Variants in GTF2A2 observed in about 807,000 individuals in gnomAD.
GTF2A2 encodes the protein transcription initiation factor IIA subunit 2.
Under a neutral mutation model 14.3 loss-of-function variants are expected in GTF2A2, and 9 were observed. That is an observed-to-expected ratio of 0.63 (90% CI 0.38 to 1.10). GTF2A2 has a LOEUF of 1.10. Among genes scored for constraint, GTF2A2 ranks in the 50% least tolerant of loss-of-function variants. GTF2A2 has a pLI of 0.01. For missense variants in GTF2A2, 90 were observed against 124.6 expected (o/e 0.72, Z 1.32); for synonymous variants, 56 against 46.0 (o/e 1.22, Z -0.88).
chr15:59,642,422 C>T (rs1350939203), intron 3 of GTF2A2, among the ~76,000 whole-genome samples, 160 bp from the exon 4 acceptor site: 4 of 152,090 alleles, frequency 2.6e-5, no homozygotes, highest in Admixed American at 6.5e-5. Context: ...AAAACAACCA[C>T]CAGACAAATT....
chr15:59,648,463 C>A (rs1891684011), intron 3 of GTF2A2, among the ~76,000 whole-genome samples: 1 of 93,460 alleles, frequency 1.1e-5, no homozygotes, highest in African/African-American at 3.9e-5. Context: ...ACAAATACTA[C>A]TTCAATCTGA....
intron 3 of GTF2A2, among the ~76,000 whole-genome samples, chr15:59,644,084 G>A (rs1396198054): frequency 2.6e-5 from 4 of 151,864 alleles, no homozygotes; most frequent in East Asian, 1.9e-4. Flanking sequence ...TAGTAGAGGC[G>A]GGGTTTTGCC....
Position 59,656,060 on chromosome 15 carries a change from A to C in GTF2A2, c.-50+1346T>G, listed in dbSNP as rs541644781. 2.0e-5 allele frequency among the ~76,000 whole-genome samples: 3 copies of C among 152,288 alleles called. No homozygotes were observed. In the East Asian group the frequency reaches 5.8e-4, roughly 29 times the overall value. On this transcript the variant is annotated intron_variant, in intron 1 of 4. Coordinates refer to ENST00000396060, the MANE Select transcript of GTF2A2 (RefSeq NM_004492.3). ...AGCCAGGGTGATCTTCTAAAACTTC[A>C]GTTACAACATACCTCTCCTCTATTC... is the stretch of plus-strand genomic sequence containing the variant.
At chr15:59,641,649 G>A (rs182843654) in intron 4 of GTF2A2, among the ~76,000 whole-genome samples, 330 of 151,456 alleles carry the variant, frequency 2.2e-3, no homozygotes, top group African/African-American at 7.8e-3. Flanking sequence ...AAGTTCCTAG[G>A]TCTGGTGTGA....
intron 4 of GTF2A2, 50 bp downstream of exon 4, chr15:59,642,086 A>C: frequency 6.5e-7 from 1 of 1,538,026 alleles, no homozygotes; most frequent in Non-Finnish European, 8.8e-7. Flanking sequence ...CTAAAGGCTC[A>C]TAAAAACAAG....
chr15:59,653,220 G>A (rs1033587762), intron 1 of GTF2A2, among the ~76,000 whole-genome samples: 10 of 152,056 alleles, frequency 6.6e-5, no homozygotes, highest in African/African-American at 2.4e-4. Context: ...GATGAGGGAT[G>A]GGGGCTCGAA....
At chr15:59,648,401 CA>C (rs71425875) in intron 3 of GTF2A2, among the ~76,000 whole-genome samples, 5 of 90,570 alleles carry the variant, frequency 5.5e-5, no homozygotes, top group African/African-American at 2.3e-4. Flanking sequence ...GACTTCGTCT[CA>C]AAAAAAAAAA....
rs559129822 is a variant in GTF2A2 at position 59,639,326 on chromosome 15, C to T, written c.305-169G>A. Among the ~76,000 whole-genome samples the T allele has an allele frequency of 1.6e-4, 24 of 152,068 alleles. No individual in the cohort carries two copies. In the South Asian group the frequency reaches 4.6e-3, roughly 29 times the overall value. ...GTGACACTGTAAATATGTTGAACTT[C>T]AGTAAGTTTCCTTTTAAGCAGAGAT... On this transcript the variant is annotated intron_variant, in intron 4 of 4. Coordinates refer to ENST00000396060, the MANE Select transcript of GTF2A2 (RefSeq NM_004492.3).
chr15:59,641,093 C>T (rs1462423711), intron 4 of GTF2A2, among the ~76,000 whole-genome samples: 1 of 151,948 alleles, frequency 6.6e-6, no homozygotes, highest in Non-Finnish European at 1.5e-5. Flanking sequence ...GGGGCTCACG[C>T]CTGTAATCCC....
intron 3 of GTF2A2, among the ~76,000 whole-genome samples, chr15:59,648,865 C>T (rs1380166001): frequency 1.3e-5 from 2 of 151,960 alleles, no homozygotes; most frequent in Admixed American, 6.6e-5. Flanking sequence ...ACCCGGGAGG[C>T]GGAGCTTGCA....
At chr15:59,657,103 T>G (rs1435207108) in intron 1 of GTF2A2, 2 of 152,240 alleles carry the variant, frequency 1.3e-5, no homozygotes, top group Non-Finnish European at 2.9e-5. Flanking sequence ...AGGGCGCTAG[T>G]GGATGCTTTA....
intron 3 of GTF2A2, among the ~76,000 whole-genome samples, chr15:59,647,580 G>A (rs1891647032): frequency 6.6e-6 from 1 of 151,996 alleles, no homozygotes; most frequent in Non-Finnish European, 1.5e-5. Context: ...GGGGCAACAT[G>A]TTTTTGTATT....
intron 4 of GTF2A2, among the ~76,000 whole-genome samples, chr15:59,639,749 T>C (rs902802153): frequency 6.6e-6 from 1 of 150,614 alleles, no homozygotes; most frequent in Non-Finnish European, 1.5e-5. Context: ...TGAGCCACCG[T>C]GCCTGGCAAT....
At chr15:59,643,021 C>T (rs1222154003) in intron 3 of GTF2A2, among the ~76,000 whole-genome samples, 1 of 151,852 alleles carries the variant, frequency 6.6e-6, no homozygotes, top group Non-Finnish European at 1.5e-5. Context: ...CCACCTCAGC[C>T]TCCCAAAGTG....
chr15:59,655,590 AT>A (rs1891919276), intron 1 of GTF2A2, among the ~76,000 whole-genome samples: 1 of 152,194 alleles, frequency 6.6e-6, no homozygotes, highest in Admixed American at 6.5e-5. Context: ...AACTCTTAAT[AT>A]CACAGGACAC....
chr15:59,648,968 T>A (rs7175959), intron 3 of GTF2A2, among the ~76,000 whole-genome samples: 151,625 of 152,324 alleles, frequency 1, 75,467 homozygotes, highest in Middle Eastern at 1. Flanking sequence ...AAAAAAACTA[T>A]AAAACAATTT....
intron 3 of GTF2A2, among the ~76,000 whole-genome samples, chr15:59,649,263 CA>C (rs1231403107): frequency 6.6e-6 from 1 of 152,100 alleles, no homozygotes; most frequent in Non-Finnish European, 1.5e-5. Flanking sequence ...AAATAAAAAG[CA>C]AGAATGGAAA....
At position 59,650,744 on chromosome 15, in the gene GTF2A2, A is replaced by T. The variant is rs932733449; in HGVS notation, c.102T>A (p.Leu34=). Residue 34 remains leucine (L), a synonymous_variant, in exon 3 of 5, where the codon CTT becomes CTA. Transcript: ENST00000396060. ...CCTTATCAAACTGAAGTAGAACTTG[A>T]AGGGCAAGTTGGGGGGTGATCTGTT... The part of the protein sequence containing the change: ...QSQQITPQLA[L]QVLLQFDKAI... 3 of 1,608,226 alleles carry T rather than the reference A, an allele frequency of 1.9e-6. No individual in the cohort carries two copies. The highest frequency in any genetic ancestry group is 2.6e-6 in the Non-Finnish European group (3 of 1,174,922).
Position 59,638,750 on chromosome 15 carries a change from A to C in GTF2A2, c.*382T>G, listed in dbSNP as rs1222773346. 1.3e-5 allele frequency: 2 copies of C among 159,746 alleles called. No homozygotes were observed. The highest frequency in any genetic ancestry group is 2.7e-5 in the Non-Finnish European group (2 of 73,416). The allele number at this position is 159,746 out of a possible 1,614,324, so 9.9% of individuals were successfully genotyped here. ...CAGGTAAAGTTACAACTGACAAAAC[A>C]TGACTTTATTGAAATAAGCATTCTG... is the stretch of plus-strand genomic sequence containing the variant. On this transcript the variant is annotated 3_prime_UTR_variant, in exon 5 of 5. Coordinates refer to ENST00000396060, the MANE Select transcript of GTF2A2 (RefSeq NM_004492.3).
Sources: gnomAD v4.1 joint callset for allele counts (sites outside exome capture counted in the v4.1 genomes callset) on GRCh38, gnomAD v4.1.1 for gene constraint, MANE v1.5 for transcripts, NCBI Gene and HGNC (gene_info 2026-07-23, HGNC 2026-07-21) for gene names.